The following ADAMTS1 variants were observed in gnomAD, a reference collection of about 807,000 sequenced individuals.
ADAMTS1 encodes ADAM metallopeptidase with thrombospondin type 1 motif 1, also known as A disintegrin and metalloproteinase with thrombospondin motifs 1.
ADAMTS1 carries 19 observed loss-of-function variants against 87.9 expected under a neutral mutation model. That is an observed-to-expected ratio of 0.22 (90% confidence interval 0.15 to 0.32). The LOEUF (loss-of-function observed/expected upper bound fraction) is 0.32. Ranked by LOEUF, ADAMTS1 falls within the 10% of genes least tolerant of loss-of-function variation. ADAMTS1 has a pLI of 1.00. For missense variants in ADAMTS1, 1,240 were observed against 1,259.1 expected, an observed-to-expected ratio of 0.98 and a Z score of 0.23; for synonymous variants, 542 against 501.8, an observed-to-expected ratio of 1.08 and a Z score of -1.07.
At chr21:26,842,921 G>A (rs567611234) in intron 1 of ADAMTS1, 5 of 537,236 alleles carry the variant, frequency 9.3e-6, no homozygotes, top group Non-Finnish European at 1.3e-5. Context: ...TTCTGTGTGT[G>A]AGCAGGATTT....
intron 1 of ADAMTS1, chr21:26,843,644 G>T: frequency 2.2e-6 from 1 of 462,844 alleles, no homozygotes. Context: ...TTCTGCGAAG[G>T]GGCCCCACCG....
At chr21:26,841,723 C>A in intron 3 of ADAMTS1, 135 bp downstream of exon 3, 1 of 1,034,252 alleles carries the variant, frequency 9.7e-7, no homozygotes, top group Non-Finnish European at 1.3e-6. Flanking sequence ...GAAATAGTGA[C>A]AAAATATTTT....
Position 26,844,463 on chromosome 21 carries a change from G to A in ADAMTS1, c.492C>T (p.Ala164=). ...GGGCGGCGGTGGCGAGGCGCTCGCT[G>A]GCGGCGGGCAGCGGCTGGATGAAAT... ...EAYFIQPLPA[A]SERLATAAPG... Residue 164 remains alanine, a synonymous_variant, in exon 1 of 9, where the codon GCC becomes GCT. Transcript: ENST00000284984. The A allele has an allele frequency of 1.3e-6, 2 of 1,587,022 alleles. No homozygotes were observed. The highest frequency in any genetic ancestry group is 1.7e-6 in the Non-Finnish European group (2 of 1,166,412).
At chr21:26,843,619 G>T in intron 1 of ADAMTS1, 1 of 461,824 alleles carries the variant, frequency 2.2e-6, no homozygotes, top group Non-Finnish European at 4.5e-6. Context: ...ACCCGGGAAA[G>T]ACCTCCCAAG....
chr21:26,843,530 G>A, intron 1 of ADAMTS1: 1 of 470,624 alleles, frequency 2.1e-6, no homozygotes, highest in South Asian at 1.6e-5. Context: ...GTAGCAGGAA[G>A]GACCGGCAGT....
Position 26,844,764 on chromosome 21 carries a change from T to G in ADAMTS1, c.191A>C (p.Glu64Ala). 1 of 1,553,490 alleles carries G rather than the reference T, an allele frequency of 6.4e-7. No individual in the cohort carries two copies. The highest frequency in any genetic ancestry group is 8.7e-7 in the Non-Finnish European group (1 of 1,146,250). ...SEEDEELVVP[E>A]LERAPGHGTT... ...CCCGTGTCCCGGGGCGCGCTCCAGCTCCGGCACCACTAGCTCCTCGTCCTC... is the reference window on the plus strand; with the variant it reads ...CCCGTGTCCCGGGGCGCGCTCCAGCGCCGGCACCACTAGCTCCTCGTCCTC... Residue 64 changes from glutamate (E) to alanine (A), a missense_variant, in exon 1 of 9, where the codon GAG (glutamate) becomes GCG (alanine). Physicochemically the swap from Glu to Ala is moderately radical, Grantham distance 107. Around this residue, in one of 3 missense-constraint regions of ADAMTS1, gnomAD observed 521 missense variants for 449.7 expected, o/e 1.16. Coordinates refer to ENST00000284984, the MANE Select transcript of ADAMTS1 (RefSeq NM_006988.5).
chr21:26,836,933 A>G lies in ADAMTS1; in HGVS notation c.*646T>C, dbSNP rs1985376104. On this transcript the variant is annotated 3_prime_UTR_variant, in exon 9 of 9. Coordinates refer to ENST00000284984, the MANE Select transcript of ADAMTS1 (RefSeq NM_006988.5). ...AGTTGTTTTTTCCTCAAAATGAATT[A>G]CACAAATAAAGACTGAGATGGTCCA... The G allele has an allele frequency of 6.6e-6, 1 of 152,256 alleles. No individual in the cohort carries two copies. Among genetic ancestry groups the G allele is most frequent in the Non-Finnish European group, 1.5e-5 (1 of 68,088 alleles). 9.4% of individuals were successfully genotyped at this position (152,256 alleles called of 1,614,324 possible). A position where few individuals can be genotyped will look rare whatever the true frequency, so the allele number is the denominator to read the frequency against.
rs80282122 is a variant in ADAMTS1, at chr21:26,839,472, T to C, written c.2028+115A>G. 355 of 980,302 alleles carry C rather than the reference T, an allele frequency of 3.6e-4. No individual in the cohort carries two copies. In the African/African-American group the frequency reaches 5.0e-3, roughly 14 times the overall value. 60.7% of individuals were successfully genotyped at this position (980,302 alleles called of 1,614,324 possible). ...AATGTAAAAGAAAAGGAGTTCAAAT[T>C]TGAAATTGAAGATATGTTAATATGG... On this transcript the variant is annotated intron_variant, in intron 7 of 8. Transcript: ENST00000284984.
Position 26,838,202 on chromosome 21 carries a change from A to T in ADAMTS1, c.2281T>A (p.Ser761Thr). 1 of 1,614,048 alleles carries T rather than the reference A, an allele frequency of 6.2e-7. No individual in the cohort carries two copies. The highest frequency in any genetic ancestry group is 8.5e-7 in the Non-Finnish European group (1 of 1,180,026). Reference protein sequence around the residue: ...IEVKQRNQRGSRNNGSFLAIK... With the variant: ...IEVKQRNQRGTRNNGSFLAIK... ...GCAAGAAAGCTGCCATTGTTCCTGG[A>T]TCCCCTCTGGTTCCGCTGTTTCACT... Residue 761 changes from serine to threonine, a missense_variant, in exon 9 of 9, where the codon TCC (serine) becomes ACC (threonine). Around this residue, in one of 3 missense-constraint regions of ADAMTS1, gnomAD observed 402 missense variants for 399.1 expected, o/e 1.01. Transcript: ENST00000284984.
chr21:26,843,731 G>A (rs754949231), intron 1 of ADAMTS1: 1 of 501,814 alleles, frequency 2.0e-6, no homozygotes, highest in Non-Finnish European at 4.1e-6. Flanking sequence ...TAGCGTAGCC[G>A]CTCAGGGTAC....
At chr21:26,843,005 T>G in intron 1 of ADAMTS1, 1 of 327,186 alleles carries the variant, frequency 3.1e-6, no homozygotes, top group African/African-American at 2.2e-5. Context: ...TGTAGTAAAA[T>G]CTTGGAGCAA....
chr21:26,844,711 C>T lies in ADAMTS1; in HGVS notation c.244G>A (p.Asp82Asn), dbSNP rs1985580175. The T allele has an allele frequency of 6.3e-7, 1 of 1,586,902 alleles. No individual in the cohort carries two copies. The highest frequency in any genetic ancestry group is 8.6e-7 in the Non-Finnish European group (1 of 1,166,114). ...CGCAGCTCCAGATCCAGCTGCTGGTCAAAGGCGTGCAGGCGGAGGCGCGTG... is the reference window on the plus strand; with the variant it reads ...CGCAGCTCCAGATCCAGCTGCTGGTTAAAGGCGTGCAGGCGGAGGCGCGTG... ...GTTRLRLHAF[D>N]QQLDLELRPD... The change falls in exon 1 of 9, where the codon GAC becomes AAC. Residue 82 changes from aspartate to asparagine, a missense_variant. Coordinates refer to ENST00000284984, the MANE Select transcript of ADAMTS1 (RefSeq NM_006988.5).
At chr21:26,842,825 A>G in intron 1 of ADAMTS1, 140 bp from the exon 2 acceptor site, 1 of 669,588 alleles carries the variant, frequency 1.5e-6, no homozygotes, top group African/African-American at 1.8e-5. Context: ...AAATATTTGC[A>G]TATCTTCACT....
intron 3 of ADAMTS1, chr21:26,841,379 T>C: frequency 2.0e-6 from 1 of 490,902 alleles, no homozygotes; most frequent in Non-Finnish European, 3.6e-6. Context: ...CTGGGCATGC[T>C]GAGGCAGCAG....
At chr21:26,843,365 T>A in intron 1 of ADAMTS1, 1 of 422,016 alleles carries the variant, frequency 2.4e-6, no homozygotes, top group Non-Finnish European at 4.8e-6. Flanking sequence ...AGTCCTAAAC[T>A]GGGCTGCGAC....
At position 26,840,938 on chromosome 21, in the gene ADAMTS1, A is replaced by C. The variant is rs1460282847; in HGVS notation, c.1378+60T>G. The C allele has an allele frequency of 3.2e-6, 5 of 1,549,462 alleles. No individual in the cohort carries two copies. In the East Asian group the frequency reaches 1.1e-4, roughly 35 times the overall value. On this transcript the variant is annotated intron_variant, in intron 4 of 8. Transcript: ENST00000284984. The stretch of plus-strand genomic sequence containing the variant: ...GAACAAAAAGGAAAGAGTTCATTTA[A>C]CTAAACTTTATGCGTGAAAGGTTGG...
intron 3 of ADAMTS1, 155 bp downstream of exon 3, chr21:26,841,703 G>T: frequency 1.2e-6 from 1 of 813,996 alleles, no homozygotes; most frequent in Non-Finnish European, 1.8e-6. Context: ...TAATAAAAAT[G>T]ACCATGTTTG....
intron 3 of ADAMTS1, 141 bp downstream of exon 3, chr21:26,841,717 T>C: frequency 1.0e-6 from 1 of 961,536 alleles, no homozygotes; most frequent in Non-Finnish European, 1.5e-6. Flanking sequence ...ATGTTTGAAA[T>C]AGTGACAAAA....
chr21:26,840,112 T>C lies in ADAMTS1; in HGVS notation c.1666-51A>G, dbSNP rs138265665. The C allele has an allele frequency of 1.7e-4, 266 of 1,574,636 alleles. No homozygotes were observed. The East Asian group carries it at 4.9e-3, about 29-fold the overall frequency. ...ATTAGAATTATCTAAAGAGAACTTTTAGGGTATCAAAGAAAGCCACATGGG... is the reference window on the plus strand; with the variant it reads ...ATTAGAATTATCTAAAGAGAACTTTCAGGGTATCAAAGAAAGCCACATGGG... On this transcript the variant is annotated intron_variant, in intron 5 of 8. Transcript: ENST00000284984.
Sources: allele counts gnomAD v4.1 joint callset, GRCh38; gene constraint gnomAD v4.1.1; regional missense constraint gnomAD v4.1.1; transcripts MANE v1.5; gene names NCBI Gene and HGNC (gene_info 2026-07-23, HGNC 2026-07-21).